The following ESRRG variants were observed in gnomAD, a reference collection of about 807,000 sequenced individuals.
ESRRG encodes estrogen related receptor gamma.
In ESRRG, 13 loss-of-function variants were observed where a neutral mutation model predicts 44.0. The observed-to-expected ratio is 0.30, with a 90% CI of 0.19 to 0.47. The LOEUF is 0.47. Among genes scored for constraint, ESRRG ranks in the 20% least tolerant of loss-of-function variants. The pLI is 1.00. For missense variants in ESRRG, 395 were observed against 580.6 expected, an observed-to-expected ratio of 0.68 and a Z score of 3.29; for synonymous variants, 215 against 214.6, an observed-to-expected ratio of 1.00 and a Z score of -0.02.
chr1:216,923,749 C>T (rs959952496), intron 2 of ESRRG, among the ~76,000 whole-genome samples: 1 of 152,154 alleles, frequency 6.6e-6, no homozygotes, highest in African/African-American at 2.4e-5. Context: ...ATTTTTCAGG[C>T]ATATTTCTTT....
chr1:216,919,980 G>A (rs1246594699), intron 2 of ESRRG, among the ~76,000 whole-genome samples: 2 of 152,152 alleles, frequency 1.3e-5, no homozygotes, highest in African/African-American at 2.4e-5. Flanking sequence ...GATGCCAGGC[G>A]AAGCCTACAA....
intron 6 of ESRRG, among the ~76,000 whole-genome samples, chr1:216,507,470 T>G (rs1036513617): frequency 1.3e-5 from 2 of 152,190 alleles, no homozygotes; most frequent in African/African-American, 2.4e-5. Flanking sequence ...TTTTAACAGA[T>G]TACAGTCTTG....
intron 2 of ESRRG, among the ~76,000 whole-genome samples, chr1:216,663,002 C>A (rs2072922185): frequency 6.6e-6 from 1 of 152,202 alleles, no homozygotes; most frequent in Admixed American, 6.6e-5. Flanking sequence ...CCATTATTTC[C>A]TTTCTTGCTC....
rs1437344002 is a variant in ESRRG, at chr1:217,081,180, GT to G, written c.-106+8326del. ...AATGTAACCCATTTCTGATGGAAGG[GT>G]TGATTAGATATTTATCAGTGAATTA... On this transcript the variant is annotated intron_variant, in intron 1 of 7. Transcript: ENST00000359162. Among the ~76,000 whole-genome samples, 4 of 141,660 alleles carry G rather than the reference GT, an allele frequency of 2.8e-5. No individual in the cohort carries two copies. The East Asian group carries it at 6.3e-4, about 22-fold the overall frequency. The allele number at this position is 141,660 out of a possible 152,430, so 92.9% of individuals were successfully genotyped here. A position where few individuals can be genotyped will look rare whatever the true frequency, so the allele number is the denominator to read the frequency against.
intron 2 of ESRRG, among the ~76,000 whole-genome samples, chr1:216,656,458 G>A (rs980218094): frequency 6.6e-6 from 1 of 152,192 alleles, no homozygotes; most frequent in African/African-American, 2.4e-5. Flanking sequence ...TTATTTCAGA[G>A]TCTTTTGTGC....
At chr1:216,713,621 A>G (rs1434529699) in intron 1 of ESRRG, among the ~76,000 whole-genome samples, 4 of 152,236 alleles carry the variant, frequency 2.6e-5, no homozygotes, top group Non-Finnish European at 4.4e-5. Flanking sequence ...GAGAATGTAC[A>G]GCAGAGACGC....
intron 2 of ESRRG, among the ~76,000 whole-genome samples, chr1:216,829,135 T>C (rs2095444621): frequency 6.6e-6 from 1 of 152,206 alleles, no homozygotes; most frequent in African/African-American, 2.4e-5. Flanking sequence ...AAAATCAATT[T>C]ACAGCCAACA....
chr1:217,008,860 A>G (rs1009908105), intron 1 of ESRRG, among the ~76,000 whole-genome samples: 2 of 152,114 alleles, frequency 1.3e-5, no homozygotes, highest in African/African-American at 4.8e-5. Context: ...AGCTAAATGA[A>G]CGTCTTCCCA....
chr1:216,541,547 TGA>T (rs1558371928), intron 5 of ESRRG, among the ~76,000 whole-genome samples: 1 of 149,074 alleles, frequency 6.7e-6, no homozygotes, highest in Non-Finnish European at 1.5e-5. Context: ...CTCAGCTATT[TGA>T]GTCTTTTGGT....
At chr1:216,675,716 T>C (rs999551922) in intron 2 of ESRRG, among the ~76,000 whole-genome samples, 6 of 152,164 alleles carry the variant, frequency 3.9e-5, no homozygotes, top group African/African-American at 1.4e-4. Context: ...TAATACAGGA[T>C]GGGGCCTGGG....
intron 2 of ESRRG, among the ~76,000 whole-genome samples, chr1:216,938,133 T>C (rs1030391702): frequency 1.3e-5 from 2 of 152,210 alleles, no homozygotes; most frequent in African/African-American, 4.8e-5. Context: ...TATTGATTTT[T>C]CAAATCAAAT....
At chr1:216,955,120 A>C (rs1016621942) in intron 1 of ESRRG, among the ~76,000 whole-genome samples, 7 of 152,136 alleles carry the variant, frequency 4.6e-5, no homozygotes, top group Admixed American at 4.6e-4. Context: ...TCTAACCTAC[A>C]GTGCTATAGA....
At position 216,564,221 on chromosome 1, in the gene ESRRG, G is replaced by A. The variant is rs756583718; in HGVS notation, c.860C>T (p.Pro287Leu). Reference sequence around the variant, plus strand: ...CTTTTTCTTTTCAGAAAATGTACCTGGAATATGCTTCGCCCATCCAATGAT... The same window carrying A: ...CTTTTTCTTTTCAGAAAATGTACCTAGAATATGCTTCGCCCATCCAATGAT... Reference protein sequence around the residue: ...VVIIGWAKHIPGFSTLSLADQ... With the variant: ...VVIIGWAKHILGFSTLSLADQ... Residue 287 changes from proline (P) to leucine (L), a missense_variant and splice_region_variant, in exon 5 of 7, where the codon CCA becomes CTA. Physicochemically the swap from Pro to Leu is moderately conservative, Grantham distance 98. Around this residue, in one of 5 missense-constraint regions of ESRRG, gnomAD observed 167 missense variants for 251.8 expected, o/e 0.66. Transcript: ENST00000408911. 1 of 1,494,870 alleles carries A rather than the reference G, an allele frequency of 6.7e-7. No individual in the cohort carries two copies. The highest frequency in any genetic ancestry group is 2.2e-5 in the Admixed American group (1 of 45,400). 92.6% of individuals were successfully genotyped at this position (1,494,870 alleles called of 1,614,324 possible).
chr1:216,907,374 G>A (rs1363772930), intron 2 of ESRRG, among the ~76,000 whole-genome samples: 3 of 152,130 alleles, frequency 2.0e-5, no homozygotes, highest in Admixed American at 1.3e-4. Flanking sequence ...TAGGGATTCC[G>A]GCTCGGCAAC....
intron 1 of ESRRG, among the ~76,000 whole-genome samples, chr1:217,050,540 C>A (rs775492112): frequency 6.6e-6 from 1 of 152,138 alleles, no homozygotes; most frequent in African/African-American, 2.4e-5. Flanking sequence ...AGAAACTACA[C>A]AGAGAGGCAG....
chr1:216,775,794 G>T (rs750587143), intron 2 of ESRRG, among the ~76,000 whole-genome samples: 1 of 151,240 alleles, frequency 6.6e-6, no homozygotes, highest in Non-Finnish European at 1.5e-5. Context: ...TGAACTCCTG[G>T]GCTCAAGTAA....
At chr1:216,776,598 A>C (rs1343502270) in intron 2 of ESRRG, among the ~76,000 whole-genome samples, 1 of 152,152 alleles carries the variant, frequency 6.6e-6, no homozygotes, top group Non-Finnish European at 1.5e-5. Context: ...AAATGGTTAC[A>C]TCTAAAGGTC....
At chr1:216,552,583 C>T (rs566652431) in intron 5 of ESRRG, among the ~76,000 whole-genome samples, 2 of 152,148 alleles carry the variant, frequency 1.3e-5, no homozygotes, top group Non-Finnish European at 2.9e-5. Flanking sequence ...GTATTGCTAA[C>T]CCCAACTTAT....
chr1:216,579,867 T>C (rs1461472824), intron 3 of ESRRG, among the ~76,000 whole-genome samples: 7 of 152,202 alleles, frequency 4.6e-5, no homozygotes, highest in Non-Finnish European at 1.0e-4. Context: ...GAAAATTTCC[T>C]TGCATTTTCC....
Sources: gnomAD v4.1 joint callset for allele counts (sites outside exome capture counted in the v4.1 genomes callset) on GRCh38, gnomAD v4.1.1 for gene constraint, gnomAD v4.1.1 regional missense constraint, MANE v1.5 for transcripts, NCBI Gene and HGNC (gene_info 2026-07-23, HGNC 2026-07-21) for gene names.